TPM1: variants seen among roughly 807,000 people sequenced by gnomAD.
TPM1 encodes the protein tropomyosin alpha-1 chain.
A neutral mutation model predicts 42.9 loss-of-function variants in TPM1; 24 were observed. That is an observed-to-expected ratio of 0.56 (90% CI 0.41 to 0.79). TPM1 has a LOEUF of 0.79. TPM1 is among the 30% of genes least tolerant of loss of function. The pLI is 0.00. For missense variants in TPM1, 158 were observed against 351.8 expected (o/e 0.45, Z 4.41); for synonymous variants, 136 against 130.1 (o/e 1.05, Z -0.31).
At chr15:63,051,363 T>C (rs1238987829) in intron 2 of TPM1, among the ~76,000 whole-genome samples, 1 of 152,196 alleles carries the variant, frequency 6.6e-6, no homozygotes, top group Non-Finnish European at 1.5e-5. Context: ...TTAACTGGAA[T>C]GTATACTCTC....
intron 2 of TPM1, among the ~76,000 whole-genome samples, chr15:63,055,371 C>T (rs1465145725): frequency 6.6e-6 from 1 of 152,212 alleles, no homozygotes; most frequent in East Asian, 1.9e-4. Flanking sequence ...CCAGATAAAA[C>T]TTGGCATTTA....
chr15:63,042,852 T>TG lies in TPM1; in HGVS notation c.24dup (p.Gln9AlafsTer15). ...ACCATGGACGCCATCAAGAAGAAGA[T>TG]GCAGATGCTGAAGCTCGACAAGGAG... On this transcript the variant is annotated frameshift_variant, in exon 1 of 10. Transcript: ENST00000403994. LOFTEE classifies it high-confidence loss of function. The TG allele has an allele frequency of 6.2e-7, 1 of 1,613,226 alleles. No individual in the cohort carries two copies.
rs756429776 is a variant in TPM1, at chr15:63,062,443, G to T, written c.703-133G>T. 3 of 1,264,496 alleles carry T rather than the reference G, an allele frequency of 2.4e-6. No homozygotes were observed. In the African/African-American group the frequency reaches 4.5e-5, roughly 19 times the overall value. 78.3% of individuals were successfully genotyped at this position (1,264,496 alleles called of 1,614,324 possible). A position where few individuals can be genotyped will look rare whatever the true frequency, so the allele number is the denominator to read the frequency against. ...GCTAACTGCCATTTCTCACAGAGGT[G>T]ACTGAAACTGACAAGTAGTTTCTGA... On this transcript the variant is annotated intron_variant, in intron 7 of 9. Transcript: ENST00000403994.
exon 9 of TPM1, chr15:63,071,578 G>A (rs2036606903): frequency 3.2e-6 from 1 of 309,104 alleles, no homozygotes; most frequent in South Asian, 3.0e-5. Context: ...GTTCAACATT[G>A]TACAATGTAG....
At chr15:63,064,900 G>C (rs1199540418) in intron 9 of TPM1, 1 of 733,350 alleles carries the variant, frequency 1.4e-6, no homozygotes, top group African/African-American at 1.9e-5. Flanking sequence ...CCGGGAGGTG[G>C]AGCTTGCAGT....
chr15:63,070,214 G>T, downstream of TPM1: 1 of 1,235,210 alleles, frequency 8.1e-7, no homozygotes, highest in Non-Finnish European at 1.0e-6. Context: ...CCTCTTGTTT[G>T]AACTGATAAA....
At chr15:63,056,840 T>A (rs1005069175) in intron 2 of TPM1, 145 bp from the exon 3 acceptor site, 1 of 1,047,708 alleles carries the variant, frequency 9.5e-7, no homozygotes, top group African/African-American at 1.6e-5. Flanking sequence ...ACTCCAGAGT[T>A]GATGAGGGCT....
downstream of TPM1, chr15:63,070,701 GCCTGTA>G (rs1651211622): frequency 9.5e-6 from 10 of 1,048,454 alleles, no homozygotes; most frequent in Non-Finnish European, 1.2e-5. Flanking sequence ...ACTTTTAACT[GCCTGTA>G]CCTTGGAAAT....
chr15:63,049,515 G>T (rs1293450085), intron 2 of TPM1: 1 of 152,184 alleles, frequency 6.6e-6, no homozygotes, highest in African/African-American at 2.4e-5. Context: ...CAGGATTTCA[G>T]AGGTAGTCTA....
chr15:63,065,954 C>T lies in TPM1; in HGVS notation c.*55C>T, dbSNP rs1449817416. 4 of 1,600,646 alleles carry T rather than the reference C, an allele frequency of 2.5e-6. No homozygotes were observed. The highest frequency in any genetic ancestry group is 3.4e-6 in the Non-Finnish European group (4 of 1,173,276). ...CCTCGTCGAGCTGGATGTCCCACCT[C>T]TCTGAGCTCTGCATTTGTCTATTCT... On this transcript the variant is annotated 3_prime_UTR_variant, in exon 10 of 10. Coordinates refer to ENST00000403994, the MANE Select transcript of TPM1 (RefSeq NM_001018005.2).
At chr15:63,068,043 C>G (rs1363216683), downstream of TPM1, among the ~76,000 whole-genome samples, 1 of 152,222 alleles carries the variant, frequency 6.6e-6, no homozygotes, top group Non-Finnish European at 1.5e-5. Context: ...TTCTTCCATT[C>G]TAGCCTGGCC....
intron 4 of TPM1, 26 bp from the exon 5 acceptor site, chr15:63,060,843 G>A: frequency 6.2e-7 from 1 of 1,613,832 alleles, no homozygotes; most frequent in Non-Finnish European, 8.5e-7. Context: ...GACCCATGGT[G>A]TGTGTGTTGT....
intron 9 of TPM1, chr15:63,065,335 G>A (rs2036160377): frequency 4.0e-6 from 4 of 990,618 alleles, no homozygotes; most frequent in Non-Finnish European, 4.8e-6. Flanking sequence ...ATTGAAGCTG[G>A]AAATGTCATT....
chr15:63,048,354 G>T, intron 2 of TPM1: 1 of 1,217,940 alleles, frequency 8.2e-7, no homozygotes, highest in Non-Finnish European at 1.1e-6. Flanking sequence ...CACGGCGCGC[G>T]CCCCTCCCAG....
downstream of TPM1, among the ~76,000 whole-genome samples, chr15:63,067,642 A>C (rs780570458): frequency 8.1e-4 from 124 of 152,332 alleles, no homozygotes; most frequent in Non-Finnish European, 1.5e-3. Context: ...AGGGCAGGTC[A>C]GGAGTAGCCC....
chr15:63,070,634 A>G (rs2036555843), downstream of TPM1: 3 of 1,003,058 alleles, frequency 3.0e-6, no homozygotes, highest in South Asian at 4.3e-5. Flanking sequence ...AAGTTCTCAG[A>G]AAACCTATTT....
downstream of TPM1, chr15:63,070,590 A>G (rs756237380): frequency 3.7e-5 from 37 of 1,007,550 alleles, no homozygotes; most frequent in East Asian, 2.0e-4. Context: ...CATGTTGACA[A>G]TTTTTTATGA....
chr15:63,071,198 C>CTTTTG (rs149695492), exon 9 of TPM1: 13 of 1,059,464 alleles, frequency 1.2e-5, no homozygotes, highest in Non-Finnish European at 1.6e-5. Flanking sequence ...CGACCACATT[C>CTTTTG]TTTCGTTTTG....
intron 4 of TPM1, among the ~76,000 whole-genome samples, chr15:63,060,612 G>A (rs895814091): frequency 1.3e-5 from 2 of 152,160 alleles, no homozygotes; most frequent in African/African-American, 4.8e-5. Context: ...CTGGCTGCCG[G>A]TTCACCTAGG....
Sources: gnomAD v4.1 joint callset for allele counts (sites outside exome capture counted in the v4.1 genomes callset) on GRCh38, gnomAD v4.1.1 for gene constraint, MANE v1.5 for transcripts, NCBI Gene and HGNC (gene_info 2026-07-23, HGNC 2026-07-21) for gene names.